PCDHGA1: variants seen among roughly 807,000 people sequenced by gnomAD.
The protein encoded by PCDHGA1 is protocadherin gamma subfamily A, 1, also known as protocadherin gamma-A1.
Under a neutral mutation model 58.0 loss-of-function variants are expected in PCDHGA1, and 32 were observed. The ratio of observed to expected loss-of-function variants is 0.55; its 90% confidence interval spans 0.42 to 0.74. The LOEUF is 0.74. Ranked by LOEUF, PCDHGA1 falls within the 30% of genes least tolerant of loss-of-function variation. The pLI is 0.00. For missense variants in PCDHGA1, 1,205 were observed against 1,182.3 expected (o/e 1.02, Z -0.28); for synonymous variants, 498 against 501.1 (o/e 0.99, Z 0.08).
At chr5:141,345,998 C>G (rs758844138) in intron 1 of PCDHGA1, 3 of 1,613,468 alleles carry the variant, frequency 1.9e-6, no homozygotes, top group African/African-American at 2.7e-5. Context: ...CCCCTCTCTC[C>G]GCCACTGTCA....
chr5:141,395,556 G>A (rs1041230837), intron 1 of PCDHGA1: 1 of 97,434 alleles, frequency 1.0e-5, no homozygotes, highest in East Asian at 1.8e-4. Context: ...GTGTGTGTGT[G>A]TGTGTGTGTG....
At chr5:141,358,893 T>C (rs1192445268) in intron 1 of PCDHGA1, among the ~76,000 whole-genome samples, 1 of 152,250 alleles carries the variant, frequency 6.6e-6, no homozygotes, top group African/African-American at 2.4e-5. Flanking sequence ...GGGATTATTT[T>C]ATATGAGGGA....
At chr5:141,443,704 C>T (rs894128704) in intron 1 of PCDHGA1, among the ~76,000 whole-genome samples, 6 of 152,102 alleles carry the variant, frequency 3.9e-5, no homozygotes, top group Non-Finnish European at 7.4e-5. Flanking sequence ...TATAGAATAA[C>T]ATTTGCATAT....
intron 1 of PCDHGA1, chr5:141,345,143 C>G: frequency 6.2e-7 from 1 of 1,613,992 alleles, no homozygotes; most frequent in African/African-American, 1.3e-5. Context: ...CTCTTATCGA[C>G]GTGCATGACC....
Position 141,486,445 on chromosome 5 carries a change from G to A in PCDHGA1, c.2422-8362G>A. On this transcript the variant is annotated intron_variant, in intron 1 of 3. Coordinates refer to ENST00000517417, the MANE Select transcript of PCDHGA1 (RefSeq NM_018912.3). The surrounding 1 kb of genome is among the most constrained non-coding windows in gnomAD (Gnocchi z 5.0). ...AGGCCAAATCTAGCTATGACATCAT[G>A]GTCACTGCTTCTGATGCTGGGAACC... 6.2e-7 allele frequency: 1 copy of A among 1,613,948 alleles called. No homozygotes were observed. The highest frequency in any genetic ancestry group is 8.5e-7 in the Non-Finnish European group (1 of 1,179,862).
At chr5:141,363,675 G>A (rs1763023401) in intron 1 of PCDHGA1, among the ~76,000 whole-genome samples, 1 of 152,208 alleles carries the variant, frequency 6.6e-6, no homozygotes, top group South Asian at 2.1e-4. Context: ...GCATATGACA[G>A]CTAATATAAC....
rs756658304 is a variant in PCDHGA1, at chr5:141,485,531, G to C, written c.2422-9276G>C. 6.8e-6 allele frequency: 11 copies of C among 1,614,218 alleles called. No homozygotes were observed. In the Admixed American group the frequency reaches 1.5e-4, roughly 22 times the overall value. On this transcript the variant is annotated intron_variant, in intron 1 of 3. Transcript: ENST00000517417. This position sits in a 1 kb window ranked among gnomAD's most constrained non-coding sequence, Gnocchi z 5.7. ...AGGTCCTTTGGAAATGTACCGAGCA[G>C]AGGTAGAGATCGTAGATGTGAATGA... is the stretch of plus-strand genomic sequence containing the variant.
intron 1 of PCDHGA1, among the ~76,000 whole-genome samples, chr5:141,337,097 A>T (rs1756657797): frequency 7.5e-6 from 1 of 133,324 alleles, no homozygotes; most frequent in Non-Finnish European, 1.6e-5. Flanking sequence ...CACATTCATT[A>T]GAATTGCTGT....
chr5:141,350,322 CTT>C, intron 1 of PCDHGA1: 1 of 1,532,296 alleles, frequency 6.5e-7, no homozygotes, highest in South Asian at 1.3e-5. Flanking sequence ...TTCCTGCTGT[CTT>C]TGTTCTGCGG....
chr5:141,416,062 T>G, intron 1 of PCDHGA1: 1 of 176,822 alleles, frequency 5.7e-6, no homozygotes, highest in Non-Finnish European at 1.2e-5. Flanking sequence ...AATCCAAGAA[T>G]ACTCAATGCA....
intron 1 of PCDHGA1, chr5:141,356,963 T>C: frequency 6.2e-7 from 1 of 1,614,226 alleles, no homozygotes; most frequent in Non-Finnish European, 8.5e-7. Context: ...GGCTACCTGG[T>C]GACCAAAGTG....
intron 2 of PCDHGA1, among the ~76,000 whole-genome samples, chr5:141,504,947 A>G (rs1595930930): frequency 6.6e-6 from 1 of 152,200 alleles, no homozygotes; most frequent in Non-Finnish European, 1.5e-5. Context: ...GGAATGCACT[A>G]TGTTCAATGC....
intron 1 of PCDHGA1, chr5:141,413,362 C>G: frequency 1.2e-6 from 2 of 1,613,988 alleles, no homozygotes; most frequent in South Asian, 1.1e-5. Context: ...GCCCCGGGAG[C>G]TGGCGGAGCG....
Position 141,505,499 on chromosome 5 carries a change from G to T in PCDHGA1, c.2569+18G>T, listed in dbSNP as rs753203943. 4.3e-6 allele frequency: 7 copies of T among 1,614,172 alleles called. No individual in the cohort carries two copies. The South Asian group carries it at 7.7e-5, about 18-fold the overall frequency. ...CGCCAGTGGTAAGTGGTGTCAGTGTGTGTATGGAAGAGTGGGAGACCTGGG... is the reference window on the plus strand; with the variant it reads ...CGCCAGTGGTAAGTGGTGTCAGTGTTTGTATGGAAGAGTGGGAGACCTGGG... On this transcript the variant is annotated intron_variant, in intron 3 of 3. Coordinates refer to ENST00000517417, the MANE Select transcript of PCDHGA1 (RefSeq NM_018912.3).
At chr5:141,408,579 T>G in intron 1 of PCDHGA1, 1 of 1,614,026 alleles carries the variant, frequency 6.2e-7, no homozygotes, top group Non-Finnish European at 8.5e-7. Flanking sequence ...ATTGAGGATG[T>G]TAATGACCAC....
chr5:141,449,160 T>G (rs6867451), intron 1 of PCDHGA1, among the ~76,000 whole-genome samples: 8,161 of 152,140 alleles, frequency 0.054, 458 homozygotes, highest in African/African-American at 0.15. Context: ...AAAGAGGAAA[T>G]AGGTGTAATT....
Position 141,489,576 on chromosome 5 carries a change from C to G in PCDHGA1, c.2422-5231C>G. 6.2e-7 allele frequency: 1 copy of G among 1,614,054 alleles called. No individual in the cohort carries two copies. Among genetic ancestry groups the G allele is most frequent in the Non-Finnish European group, 8.5e-7 (1 of 1,179,976 alleles). On this transcript the variant is annotated intron_variant, in intron 1 of 3. Coordinates refer to ENST00000517417, the MANE Select transcript of PCDHGA1 (RefSeq NM_018912.3). This position sits in a 1 kb window ranked among gnomAD's most constrained non-coding sequence, Gnocchi z 4.5. ...TGCCAGTGCAGGTGGTGACTGAACA[C>G]CCCCTGGAGCTAATCCGTGTAGAGG...
intron 3 of PCDHGA1, among the ~76,000 whole-genome samples, chr5:141,506,925 A>G (rs1287267937): frequency 1.3e-5 from 2 of 152,152 alleles, no homozygotes; most frequent in African/African-American, 4.8e-5. Context: ...ATACTAAACA[A>G]ACTTTAGGGG....
rs753994650 is a variant in PCDHGA1 at position 141,362,173 on chromosome 5, G to A, written c.2421+29068G>A. ...ATTGCCAGACCTCAGCGACCGCCGG[G>A]AGCCCTCTGACCCCCAGGCAAAACT... On this transcript the variant is annotated intron_variant, in intron 1 of 3. Transcript: ENST00000517417. 8.7e-6 allele frequency: 14 copies of A among 1,614,042 alleles called. No individual in the cohort carries two copies. In the South Asian group the frequency reaches 1.4e-4, roughly 16 times the overall value.
Sources: allele counts gnomAD v4.1 joint callset (sites outside exome capture counted in the v4.1 genomes callset), GRCh38; gene constraint gnomAD v4.1.1; non-coding constraint Gnocchi (gnomAD v3.1); transcripts MANE v1.5; gene names NCBI Gene and HGNC (gene_info 2026-07-23, HGNC 2026-07-21).